GRID2: variants seen among roughly 807,000 people sequenced by gnomAD.
GRID2 encodes glutamate ionotropic receptor delta type subunit 2.
GRID2 carries 33 observed loss-of-function variants against 114.8 expected under a neutral mutation model. The observed-to-expected ratio is 0.29, with a 90% CI of 0.22 to 0.38. The LOEUF (loss-of-function observed/expected upper bound fraction) is 0.38, where lower values mean the gene tolerates loss of function less well. Among genes scored for constraint, GRID2 ranks in the 10% least tolerant of loss-of-function variants. The probability of loss-of-function intolerance (pLI) is 1.00; values close to 1 mark genes in which losing one functional copy is unlikely to be tolerated. For synonymous variants in GRID2, 505 were observed against 449.9 expected (o/e 1.12, Z -1.55); for missense variants, 1,184 against 1,257.7 (o/e 0.94, Z 0.89).
chr4:93,159,883 T>TA (rs1225501200), intron 4 of GRID2, among the ~76,000 whole-genome samples: 2 of 151,836 alleles, frequency 1.3e-5, no homozygotes, highest in Admixed American at 1.3e-4. Flanking sequence ...TTCCATTATT[T>TA]AAAAAATACT....
chr4:92,757,689 G>GA (rs1412341812), intron 2 of GRID2, among the ~76,000 whole-genome samples: 1 of 151,980 alleles, frequency 6.6e-6, no homozygotes, highest in African/African-American at 2.4e-5. Context: ...CTAACATACA[G>GA]AGTTAATTTG....
intron 8 of GRID2, among the ~76,000 whole-genome samples, chr4:93,370,791 GT>G: frequency 6.6e-6 from 1 of 152,082 alleles, no homozygotes; most frequent in East Asian, 1.9e-4. Context: ...TGTGTGATTT[GT>G]TTTTTAGACT....
intron 2 of GRID2, among the ~76,000 whole-genome samples, chr4:92,703,865 G>T (rs1299092481): frequency 6.6e-6 from 1 of 151,930 alleles, no homozygotes; most frequent in African/African-American, 2.4e-5. Context: ...ATATCTATTG[G>T]TAGAGAAATG....
chr4:92,305,259 G>A (rs1231297024), intron 1 of GRID2, among the ~76,000 whole-genome samples: 1 of 152,142 alleles, frequency 6.6e-6, no homozygotes, highest in Non-Finnish European at 1.5e-5. Flanking sequence ...TAGTGCGATG[G>A]TGACGGGGGT....
At chr4:92,920,363 G>T (rs912555751) in intron 2 of GRID2, among the ~76,000 whole-genome samples, 2 of 152,100 alleles carry the variant, frequency 1.3e-5, no homozygotes, top group African/African-American at 4.8e-5. Context: ...AATTCATATT[G>T]TTATGTGTGA....
chr4:92,657,820 A>C (rs1373376344), intron 2 of GRID2, among the ~76,000 whole-genome samples: 5 of 151,850 alleles, frequency 3.3e-5, no homozygotes, highest in African/African-American at 1.2e-4. Context: ...CATTCAGAAC[A>C]TTGTCCTTCT....
chr4:93,514,643 G>A (rs559323934), intron 12 of GRID2, among the ~76,000 whole-genome samples: 6 of 151,856 alleles, frequency 4.0e-5, no homozygotes, highest in African/African-American at 1.2e-4. Flanking sequence ...CTATAAAATG[G>A]GTCAAATAAT....
chr4:92,817,596 A>G (rs1740994042), intron 2 of GRID2, among the ~76,000 whole-genome samples: 1 of 151,858 alleles, frequency 6.6e-6, no homozygotes, highest in Non-Finnish European at 1.5e-5. Context: ...ATTTTTTCAA[A>G]TCTTATATTT....
rs538786891 is a variant in GRID2 at position 92,576,164 on chromosome 4, G to T, written c.89-13967G>T. 1.3e-3 allele frequency among the ~76,000 whole-genome samples: 195 copies of T among 152,300 alleles called. 1 individual carries two copies. Among genetic ancestry groups the T allele is most frequent in the African/African-American group, 4.6e-3 (193 of 41,586 alleles). On this transcript the variant is annotated intron_variant, in intron 1 of 15. Transcript: ENST00000282020. ...GAATATGTGCAGGCAGGCATGGCTG[G>T]AGACCCCAGCTGGGAGGTCCCATCC...
chr4:92,536,112 A>G (rs569232428), intron 1 of GRID2, among the ~76,000 whole-genome samples: 9 of 152,288 alleles, frequency 5.9e-5, no homozygotes, highest in African/African-American at 1.7e-4. Context: ...GCAGGCTGCC[A>G]CTGCTTGCGC....
chr4:93,351,935 T>TGGA (rs1214477363), intron 8 of GRID2, among the ~76,000 whole-genome samples: 1 of 152,050 alleles, frequency 6.6e-6, no homozygotes, highest in Non-Finnish European at 1.5e-5. Flanking sequence ...CAGCTCCCAA[T>TGGA]GGAGGAGTGT....
chr4:93,519,183 G>A (rs144678701), intron 13 of GRID2, among the ~76,000 whole-genome samples: 1 of 152,216 alleles, frequency 6.6e-6, no homozygotes, highest in African/African-American at 2.4e-5. Flanking sequence ...TTTCTCTGGT[G>A]GGATATCAAA....
At chr4:93,613,105 G>A (rs1458113600) in intron 13 of GRID2, among the ~76,000 whole-genome samples, 21 of 142,314 alleles carry the variant, frequency 1.5e-4, no homozygotes, top group East Asian at 4.0e-4. Flanking sequence ...TGATTGCATC[G>A]GCTCCTGAGG....
chr4:93,342,148 C>T (rs770822942), intron 8 of GRID2, among the ~76,000 whole-genome samples: 17 of 152,270 alleles, frequency 1.1e-4, no homozygotes, highest in Non-Finnish European at 1.8e-4. Flanking sequence ...TCGGTGATAG[C>T]AGTAATAAAG....
At chr4:92,442,662 A>G (rs1733174358) in intron 1 of GRID2, among the ~76,000 whole-genome samples, 1 of 152,008 alleles carries the variant, frequency 6.6e-6, no homozygotes, top group South Asian at 2.1e-4. Context: ...AGATTGGGTA[A>G]TAAAATGTAT....
chr4:93,183,085 A>G (rs1426502526), intron 4 of GRID2, among the ~76,000 whole-genome samples: 1 of 152,216 alleles, frequency 6.6e-6, no homozygotes, highest in Non-Finnish European at 1.5e-5. Context: ...AATGAGTAAA[A>G]TAAAGTAAAT....
chr4:93,176,192 A>C (rs1739331535), intron 4 of GRID2, among the ~76,000 whole-genome samples: 1 of 152,212 alleles, frequency 6.6e-6, no homozygotes, highest in Non-Finnish European at 1.5e-5. Flanking sequence ...TTGAACAGAA[A>C]AATCTAAACA....
At chr4:93,300,029 G>T (rs141062688) in intron 8 of GRID2, among the ~76,000 whole-genome samples, 3 of 152,004 alleles carry the variant, frequency 2.0e-5, no homozygotes, top group African/African-American at 7.2e-5. Context: ...ATGCATTCTC[G>T]TGTACACTTT....
At chr4:92,834,849 A>G (rs1394215440) in intron 2 of GRID2, among the ~76,000 whole-genome samples, 2 of 152,102 alleles carry the variant, frequency 1.3e-5, no homozygotes, top group Non-Finnish European at 2.9e-5. Flanking sequence ...AGAAAGTGTG[A>G]AAAGACACGT....
Sources: gnomAD v4.1 joint callset for allele counts (sites outside exome capture counted in the v4.1 genomes callset) on GRCh38, gnomAD v4.1.1 for gene constraint, MANE v1.5 for transcripts, NCBI Gene and HGNC (gene_info 2026-07-23, HGNC 2026-07-21) for gene names.